Variants in RAB6A observed in about 807,000 individuals in gnomAD.
The protein encoded by RAB6A is RAB6A, member RAS oncogene family.
In RAB6A, 8 loss-of-function variants were observed where a neutral mutation model predicts 32.3. The ratio of observed to expected loss-of-function variants is 0.25; its 90% confidence interval spans 0.15 to 0.45. The LOEUF is 0.45. Among genes scored for constraint, RAB6A ranks in the 20% least tolerant of loss-of-function variants. The probability of loss-of-function intolerance (pLI) is 1.00; values close to 1 mark genes in which losing one functional copy is unlikely to be tolerated. For missense variants in RAB6A, 104 were observed against 249.4 expected (o/e 0.42, Z 3.93); for synonymous variants, 73 against 82.1 (o/e 0.89, Z 0.60).
At chr11:73,729,193 G>A (rs1408185859) in intron 2 of RAB6A, among the ~76,000 whole-genome samples, 1 of 152,114 alleles carries the variant, frequency 6.6e-6, no homozygotes, top group Non-Finnish European at 1.5e-5. Context: ...CCGCCTCCTG[G>A]GTTCAAGCGA....
At chr11:73,700,105 T>C (rs1424942039) in intron 6 of RAB6A, among the ~76,000 whole-genome samples, 1 of 151,878 alleles carries the variant, frequency 6.6e-6, no homozygotes, top group Non-Finnish European at 1.5e-5. Flanking sequence ...TCAAGGAGTT[T>C]TTCTTTTCTT....
intron 6 of RAB6A, among the ~76,000 whole-genome samples, chr11:73,704,468 A>G (rs1285302830): frequency 6.6e-6 from 1 of 151,678 alleles, no homozygotes; most frequent in Non-Finnish European, 1.5e-5. Context: ...GCAGATCACG[A>G]GGTCAGGAGA....
At chr11:73,698,909 T>C (rs565956497) in intron 6 of RAB6A, among the ~76,000 whole-genome samples, 42 of 139,976 alleles carry the variant, frequency 3.0e-4, no homozygotes, top group Admixed American at 6.6e-4. Context: ...TGTAATGCAA[T>C]GGCACAATCT....
intron 6 of RAB6A, among the ~76,000 whole-genome samples, chr11:73,700,977 T>A (rs1388034808): frequency 6.6e-6 from 1 of 152,192 alleles, no homozygotes; most frequent in Non-Finnish European, 1.5e-5. Flanking sequence ...GTCACTTGAA[T>A]CATGATTAGA....
Position 73,760,724 on chromosome 11 carries a change from A to T in RAB6A, c.-89T>A, listed in dbSNP as rs979953436. 5 of 1,532,104 alleles carry T rather than the reference A, an allele frequency of 3.3e-6. No homozygotes were observed. In the African/African-American group the frequency reaches 6.9e-5, roughly 21 times the overall value. 94.9% of individuals were successfully genotyped at this position (1,532,104 alleles called of 1,614,324 possible). On this transcript the variant is annotated 5_prime_UTR_variant, in exon 1 of 8. Transcript: ENST00000336083. Reference sequence around the variant, plus strand: ...CCAGCTGACGAAAAAGGCGAGCGGAAGGGCGGGCACCGAGCTCTCTCGGCC... The same window carrying T: ...CCAGCTGACGAAAAAGGCGAGCGGATGGGCGGGCACCGAGCTCTCTCGGCC...
At chr11:73,693,563 T>TC (rs1945610749) in intron 6 of RAB6A, among the ~76,000 whole-genome samples, 1 of 150,244 alleles carries the variant, frequency 6.7e-6, no homozygotes. Flanking sequence ...CATCTTTTTT[T>TC]TTTTTTTTTT....
At chr11:73,756,107 C>T (rs1046224772) in intron 1 of RAB6A, among the ~76,000 whole-genome samples, 3 of 151,234 alleles carry the variant, frequency 2.0e-5, no homozygotes, top group Non-Finnish European at 4.4e-5. Flanking sequence ...AATCCCAGCA[C>T]TTTGGGAGGC....
intron 1 of RAB6A, among the ~76,000 whole-genome samples, chr11:73,742,101 G>A (rs1165531394): frequency 6.6e-6 from 1 of 152,010 alleles, no homozygotes; most frequent in African/African-American, 2.4e-5. Context: ...GGTCAATATG[G>A]TGAAACCCTG....
intron 6 of RAB6A, among the ~76,000 whole-genome samples, chr11:73,691,787 C>T (rs953969198): frequency 6.6e-6 from 1 of 151,980 alleles, no homozygotes; most frequent in South Asian, 2.1e-4. Flanking sequence ...ATGGGGAAAC[C>T]CCGTCTCTAC....
intron 1 of RAB6A, among the ~76,000 whole-genome samples, chr11:73,742,034 C>A (rs1472834261): frequency 1.3e-5 from 2 of 152,118 alleles, no homozygotes; most frequent in African/African-American, 2.4e-5. Context: ...GTAATTCCAG[C>A]ACGTTGGGAG....
intron 6 of RAB6A, among the ~76,000 whole-genome samples, chr11:73,700,583 C>CA (rs11458879): frequency 0.77 from 23,382 of 30,432 alleles, 10,301 homozygotes; most frequent in East Asian, 0.85. Context: ...GACCCTGTCT[C>CA]AAAAAAAAAA....
chr11:73,705,939 T>A (rs950403804), intron 6 of RAB6A, among the ~76,000 whole-genome samples: 1 of 151,682 alleles, frequency 6.6e-6, no homozygotes, highest in African/African-American at 2.4e-5. Context: ...GGAGCTGACA[T>A]CTAAACTGAA....
At chr11:73,685,193 AAAT>A (rs1237434464) in intron 6 of RAB6A, among the ~76,000 whole-genome samples, 1 of 152,226 alleles carries the variant, frequency 6.6e-6, no homozygotes, top group Non-Finnish European at 1.5e-5. Flanking sequence ...GATGGGCTTA[AAAT>A]AATAGTATAC....
chr11:73,724,240 C>G (rs2134960102), intron 2 of RAB6A, among the ~76,000 whole-genome samples: 1 of 152,282 alleles, frequency 6.6e-6, no homozygotes, highest in Non-Finnish European at 1.5e-5. Flanking sequence ...ACTTCATTTT[C>G]TCTTCCATGA....
At chr11:73,733,323 C>A (rs1412474357) in intron 1 of RAB6A, among the ~76,000 whole-genome samples, 3 of 152,052 alleles carry the variant, frequency 2.0e-5, no homozygotes, top group Non-Finnish European at 4.4e-5. Context: ...CTGAGGCAGG[C>A]AGATCACCTG....
chr11:73,699,141 C>A (rs2134901070), intron 6 of RAB6A, among the ~76,000 whole-genome samples: 1 of 152,338 alleles, frequency 6.6e-6, no homozygotes, highest in Non-Finnish European at 1.5e-5. Context: ...GTTTGAGCCA[C>A]TGCGCCAGGC....
intron 1 of RAB6A, among the ~76,000 whole-genome samples, chr11:73,746,589 C>T (rs1442396824): frequency 6.6e-6 from 1 of 151,930 alleles, no homozygotes; most frequent in South Asian, 2.1e-4. Context: ...GGAAACACAG[C>T]AAGACCTCAT....
intron 1 of RAB6A, among the ~76,000 whole-genome samples, chr11:73,749,837 G>C (rs1372630028): frequency 6.6e-6 from 1 of 152,108 alleles, no homozygotes; most frequent in Non-Finnish European, 1.5e-5. Context: ...TCTCCAGCCT[G>C]GGTAACAGAG....
chr11:73,750,137 G>C (rs1946652098), intron 1 of RAB6A, among the ~76,000 whole-genome samples: 1 of 152,186 alleles, frequency 6.6e-6, no homozygotes, highest in African/African-American at 2.4e-5. Context: ...TTAGACAAGA[G>C]AGTTTGGATT....
Sources: allele counts gnomAD v4.1 joint callset (sites outside exome capture counted in the v4.1 genomes callset), GRCh38; gene constraint gnomAD v4.1.1; transcripts MANE v1.5; gene names NCBI Gene and HGNC (gene_info 2026-07-23, HGNC 2026-07-21).